ATAD1: variants seen among roughly 807,000 people sequenced by gnomAD.
ATAD1 encodes outer mitochondrial transmembrane helix translocase.
In ATAD1, 18 loss-of-function variants were observed where a neutral mutation model predicts 42.7. The observed-to-expected ratio is 0.42, with a 90% CI of 0.29 to 0.63. The LOEUF (loss-of-function observed/expected upper bound fraction) is 0.63, where lower values mean the gene tolerates loss of function less well. Among genes scored for constraint, ATAD1 ranks in the 20% least tolerant of loss-of-function variants. The pLI is 0.19. For missense variants in ATAD1, 294 were observed against 440.4 expected, an observed-to-expected ratio of 0.67 and a Z score of 2.98; for synonymous variants, 132 against 143.1, an observed-to-expected ratio of 0.92 and a Z score of 0.55.
intron 1 of ATAD1, among the ~76,000 whole-genome samples, chr10:87,837,536 T>G (rs923812364): frequency 6.6e-6 from 1 of 152,186 alleles, no homozygotes; most frequent in Non-Finnish European, 1.5e-5. Flanking sequence ...TCCATCCTTG[T>G]GCAACTTGAA....
intron 5 of ATAD1, among the ~76,000 whole-genome samples, chr10:87,784,110 A>G (rs1458867776): frequency 1.3e-5 from 2 of 152,200 alleles, no homozygotes; most frequent in African/African-American, 2.4e-5. Context: ...ATAAATAGGT[A>G]TAATAACTAA....
Position 87,774,193 on chromosome 10 carries a change from G to T in ATAD1, c.690+2128C>A, listed in dbSNP as rs1474602362. Among the ~76,000 whole-genome samples, 3 of 152,206 alleles carry T rather than the reference G, an allele frequency of 2.0e-5. No homozygotes were observed. The East Asian group carries it at 5.8e-4, about 29-fold the overall frequency. ...TCCTTAAACCCTCTGGCCACAAAAAGAAAATATTTAAAAGACTCAAATAAA... is the reference window on the plus strand; with the variant it reads ...TCCTTAAACCCTCTGGCCACAAAAATAAAATATTTAAAAGACTCAAATAAA... On this transcript the variant is annotated intron_variant, in intron 6 of 9. Coordinates refer to ENST00000680024, the MANE Select transcript of ATAD1 (RefSeq NM_001321967.2).
chr10:87,785,827 T>C (rs1321734411), intron 4 of ATAD1, among the ~76,000 whole-genome samples: 1 of 152,082 alleles, frequency 6.6e-6, no homozygotes, highest in Non-Finnish European at 1.5e-5. Flanking sequence ...TCCTCAAGCA[T>C]ACATAGAATT....
intron 1 of ATAD1, among the ~76,000 whole-genome samples, chr10:87,829,233 TATTA>T (rs1589575889): frequency 1.0e-5 from 1 of 100,004 alleles, no homozygotes; most frequent in East Asian, 2.3e-4. Context: ...TTATTTTATT[TATTA>T]TTTATTTATT....
intron 2 of ATAD1, among the ~76,000 whole-genome samples, chr10:87,808,696 G>A (rs142774599): frequency 6.7e-4 from 102 of 152,290 alleles, no homozygotes; most frequent in African/African-American, 2.3e-3. Flanking sequence ...TCTTTAATCT[G>A]TTAATGTTGC....
intron 1 of ATAD1, among the ~76,000 whole-genome samples, chr10:87,827,022 G>A (rs1857742515): frequency 6.6e-6 from 1 of 152,120 alleles, no homozygotes; most frequent in Non-Finnish European, 1.5e-5. Flanking sequence ...CTCAAAATCT[G>A]TTTCTGAACC....
intron 8 of ATAD1, among the ~76,000 whole-genome samples, chr10:87,766,884 A>G (rs754260610): frequency 6.6e-6 from 1 of 152,084 alleles, no homozygotes; most frequent in Non-Finnish European, 1.5e-5. Flanking sequence ...ATTATTAAAT[A>G]TACATACTTT....
chr10:87,784,528 A>T lies in ATAD1; in HGVS notation c.525T>A (p.Ala175=). The part of the protein sequence containing the change: ...KWYGESQKLA[A]AVFSLAIKLQ... ...GCTTTATGGCAAGGGAGAAGACAGC[A>T]GCAGCCAATTTCTGAGATTCTCCAT... is the stretch of plus-strand genomic sequence containing the variant. Residue 175 remains alanine (A), a synonymous_variant, in exon 5 of 10, where the codon GCT becomes GCA. Coordinates refer to ENST00000680024, the MANE Select transcript of ATAD1 (RefSeq NM_001321967.2). 1 of 1,613,884 alleles carries T rather than the reference A, an allele frequency of 6.2e-7. No homozygotes were observed.
In ATAD1 at chr10:87,772,771, G is replaced by A. The variant is rs543011465; in HGVS notation, c.691-1730C>T. ...AAAAAGCAAAAGTGATTGAAATCAC[G>A]TGTAGTTTCACATAAAGAAGCAAAT... On this transcript the variant is annotated intron_variant, in intron 6 of 9. Transcript: ENST00000680024. Among the ~76,000 whole-genome samples the A allele has an allele frequency of 3.9e-3, 591 of 152,254 alleles. 3 individuals carry two copies. The highest frequency in any genetic ancestry group is 8.7e-3 in the South Asian group (42 of 4,824).
chr10:87,792,233 T>TG (rs1291595219), intron 3 of ATAD1, among the ~76,000 whole-genome samples: 12 of 152,242 alleles, frequency 7.9e-5, no homozygotes, highest in African/African-American at 2.9e-4. Context: ...ATATGGTTTA[T>TG]GGTGAAACAT....
intron 1 of ATAD1, among the ~76,000 whole-genome samples, chr10:87,835,198 T>A (rs530367902): frequency 1.3e-5 from 2 of 152,134 alleles, no homozygotes; most frequent in Non-Finnish European, 2.9e-5. Flanking sequence ...GTATGTATTC[T>A]GCTATTGTTG....
chr10:87,833,226 T>A (rs1054211606), intron 1 of ATAD1: 2 of 152,230 alleles, frequency 1.3e-5, no homozygotes, highest in African/African-American at 4.8e-5. Flanking sequence ...AGTATTTCAG[T>A]ATTTTTGGAG....
At chr10:87,790,956 A>G (rs1004578698) in intron 3 of ATAD1, among the ~76,000 whole-genome samples, 35 of 146,096 alleles carry the variant, frequency 2.4e-4, no homozygotes, top group Non-Finnish European at 3.7e-4. Flanking sequence ...GGCCAAGGTG[A>G]GCGGATCACT....
At chr10:87,822,782 AAG>A (rs1857654766), upstream of ATAD1, among the ~76,000 whole-genome samples, 2 of 152,188 alleles carry the variant, frequency 1.3e-5, no homozygotes, top group African/African-American at 2.4e-5. Context: ...AAATAACTAA[AAG>A]AGTATAATTG....
intron 5 of ATAD1, among the ~76,000 whole-genome samples, chr10:87,777,889 T>A (rs1254678263): frequency 6.6e-6 from 1 of 152,110 alleles, no homozygotes; most frequent in Non-Finnish European, 1.5e-5. Flanking sequence ...CTAGATTTAT[T>A]TAAAGTTTAA....
intron 9 of ATAD1, among the ~76,000 whole-genome samples, chr10:87,756,423 G>A (rs1228141022): frequency 6.6e-6 from 1 of 152,164 alleles, no homozygotes; most frequent in Non-Finnish European, 1.5e-5. Flanking sequence ...TAAAATTGCT[G>A]CAGTGATAAA....
intron 5 of ATAD1, among the ~76,000 whole-genome samples, chr10:87,782,921 C>T (rs1163726688): frequency 6.6e-6 from 1 of 151,250 alleles, no homozygotes; most frequent in East Asian, 1.9e-4. Flanking sequence ...TCGCTTGAGC[C>T]GGGGAGGTCA....
intron 8 of ATAD1, among the ~76,000 whole-genome samples, chr10:87,764,950 A>T (rs1854666457): frequency 6.6e-6 from 1 of 152,186 alleles, no homozygotes; most frequent in African/African-American, 2.4e-5. Flanking sequence ...TACATGGTTT[A>T]AAAAAAGGCA....
rs556966628 is a variant in ATAD1 at position 87,762,954 on chromosome 10, G to A, written c.831+4719C>T. 1.9e-4 allele frequency among the ~76,000 whole-genome samples: 28 copies of A among 147,298 alleles called. No homozygotes were observed. The East Asian group carries it at 5.5e-3, about 29-fold the overall frequency. ...ATATAAGCCGGGTGTGGTGGCGCGCGCCTATAATCCCAGCTACTTAGGTGG... is the reference window on the plus strand; with the variant it reads ...ATATAAGCCGGGTGTGGTGGCGCGCACCTATAATCCCAGCTACTTAGGTGG... On this transcript the variant is annotated intron_variant, in intron 8 of 9. Coordinates refer to ENST00000680024, the MANE Select transcript of ATAD1 (RefSeq NM_001321967.2).
Sources: allele counts gnomAD v4.1 joint callset (sites outside exome capture counted in the v4.1 genomes callset), GRCh38; gene constraint gnomAD v4.1.1; transcripts MANE v1.5; gene names NCBI Gene and HGNC (gene_info 2026-07-23, HGNC 2026-07-21).